Variants in ASAH2 observed in about 807,000 individuals in gnomAD.
ASAH2 encodes N-acylsphingosine amidohydrolase 2.
ASAH2 carries 58 observed loss-of-function variants against 82.9 expected under a neutral mutation model. The observed-to-expected ratio is 0.70, with a 90% CI of 0.57 to 0.87. The LOEUF is 0.87. ASAH2 is among the 40% of genes least tolerant of loss of function. The pLI is 0.00. For missense variants in ASAH2, 779 were observed against 834.0 expected (o/e 0.93, Z 0.81); for synonymous variants, 276 against 289.7 (o/e 0.95, Z 0.48).
intron 13 of ASAH2, 116 bp downstream of exon 13, chr10:50,205,866 G>T (rs1845279248): frequency 3.4e-6 from 3 of 890,850 alleles, no homozygotes; most frequent in Non-Finnish European, 5.6e-6. Context: ...ACTTGATATG[G>T]GAATATCTAA....
At chr10:50,220,319 T>C (rs1845707256) in intron 7 of ASAH2, among the ~76,000 whole-genome samples, 1 of 152,138 alleles carries the variant, frequency 6.6e-6, no homozygotes, top group African/African-American at 2.4e-5. Flanking sequence ...TAAAGACACA[T>C]GGACACGTAT....
intron 6 of ASAH2, 68 bp from the exon 7 acceptor site, chr10:50,233,329 G>GT: frequency 8.4e-7 from 1 of 1,195,328 alleles, no homozygotes; most frequent in South Asian, 1.2e-5. Flanking sequence ...AAGATGAACA[G>GT]TAGCAGCTGA....
chr10:50,212,546 T>A (rs1232383060), intron 10 of ASAH2, among the ~76,000 whole-genome samples: 1 of 152,158 alleles, frequency 6.6e-6, no homozygotes, highest in Non-Finnish European at 1.5e-5. Context: ...GGCTCAGCTT[T>A]CTCTTGTCAC....
At chr10:50,237,921 A>G (rs1295147899) in intron 4 of ASAH2, among the ~76,000 whole-genome samples, 1 of 152,318 alleles carries the variant, frequency 6.6e-6, no homozygotes, top group South Asian at 2.1e-4. Context: ...CCCCATAACT[A>G]TATGTACCAT....
chr10:50,240,526 C>A (rs1589356572), intron 4 of ASAH2: 1 of 702,272 alleles, frequency 1.4e-6, no homozygotes, highest in Non-Finnish European at 2.6e-6. Flanking sequence ...CTCCGCCACT[C>A]AGAAGATTTC....
rs1360064108 is a variant in ASAH2, at chr10:50,226,382, CTT to C, written c.893+6800_893+6801del. Among the ~76,000 whole-genome samples the C allele has an allele frequency of 4.6e-5, 7 of 152,184 alleles. No individual in the cohort carries two copies. The East Asian group carries it at 9.6e-4, about 21-fold the overall frequency. On this transcript the variant is annotated intron_variant, in intron 7 of 20. Coordinates refer to ENST00000682911, the MANE Select transcript of ASAH2 (RefSeq NM_019893.4). ...AAAGTCTGAAAGACTATGTAACAAACTTTTAATAGAAGCTGGCTCTGAGTGTC... is the reference window on the plus strand; with the variant it reads ...AAAGTCTGAAAGACTATGTAACAAACTTAATAGAAGCTGGCTCTGAGTGTC...
At chr10:50,194,571 T>G (rs1310670371) in intron 18 of ASAH2, among the ~76,000 whole-genome samples, 4 of 150,860 alleles carry the variant, frequency 2.7e-5, no homozygotes, top group Non-Finnish European at 4.4e-5. Context: ...GACAAGAGTG[T>G]CCAGTCTCAC....
At position 50,212,863 on chromosome 10, in the gene ASAH2, C is replaced by T; in HGVS notation, c.1227+109G>A. The T allele has an allele frequency of 2.7e-6, 3 of 1,126,618 alleles. No homozygotes were observed. In the East Asian group the frequency reaches 7.1e-5, roughly 26 times the overall value. The allele number at this position is 1,126,618 out of a possible 1,614,324, so 69.8% of individuals were successfully genotyped here. A position where few individuals can be genotyped will look rare whatever the true frequency, so the allele number is the denominator to read the frequency against. On this transcript the variant is annotated intron_variant, in intron 10 of 20. Transcript: ENST00000682911. ...CCTCTTCTAGACTCCCCAGCACAAC[C>T]TGAGCATTTGCTGTTTTCTTTAAGT... is the stretch of plus-strand genomic sequence containing the variant.
Position 50,235,982 on chromosome 10 carries a change from C to A in ASAH2, c.593G>T (p.Gly198Val), listed in dbSNP as rs1846149338. 6.2e-7 allele frequency: 1 copy of A among 1,613,154 alleles called. No individual in the cohort carries two copies. The highest frequency in any genetic ancestry group is 8.5e-7 in the Non-Finnish European group (1 of 1,179,414). ...GGTATACTGGAAATATCCTGCAGGA[C>A]CTGAATGAGTGTGAGTGCCACTCAG... ...VILSGTHTHS[G>V]PAGYFQYTVF... is the part of the protein sequence containing the mutation. The change falls in exon 5 of 21, where the codon GGT (glycine) becomes GTT (valine). Residue 198 changes from glycine to valine, a missense_variant. Physicochemically the swap from Gly to Val is moderately radical, Grantham distance 109. Around this residue, in one of 3 missense-constraint regions of ASAH2, gnomAD observed 759 missense variants for 755.2 expected, o/e 1.00. Coordinates refer to ENST00000682911, the MANE Select transcript of ASAH2 (RefSeq NM_019893.4).
Position 50,233,262 on chromosome 10 carries a change from C to G in ASAH2, c.816-1G>C. 6.2e-7 allele frequency: 1 copy of G among 1,600,824 alleles called. No individual in the cohort carries two copies. On this transcript the variant is annotated splice_acceptor_variant, in intron 6 of 20. Transcript: ENST00000682911. LOFTEE classifies it high-confidence loss of function. ...TTCCTTGTCTGTATTTGAAGAATAC[C>G]TAGTCAGTAAAACAGAAAAGCACAG...
At chr10:50,242,821 C>T (rs1290451986) in intron 4 of ASAH2, among the ~76,000 whole-genome samples, 1 of 152,172 alleles carries the variant, frequency 6.6e-6, no homozygotes, top group African/African-American at 2.4e-5. Context: ...CACATGTATT[C>T]TCAATTGTCT....
chr10:50,231,191 T>C (rs1846013857), intron 7 of ASAH2, among the ~76,000 whole-genome samples: 1 of 152,122 alleles, frequency 6.6e-6, no homozygotes, highest in Non-Finnish European at 1.5e-5. Flanking sequence ...CTAGCAGAGA[T>C]GTATGCTGTT....
intron 7 of ASAH2, among the ~76,000 whole-genome samples, chr10:50,228,918 G>A (rs1391915912): frequency 6.6e-6 from 1 of 152,076 alleles, no homozygotes; most frequent in Non-Finnish European, 1.5e-5. Context: ...GAAGAAAAGA[G>A]GAAGGCAAAG....
intron 8 of ASAH2, among the ~76,000 whole-genome samples, chr10:50,216,974 A>G (rs1845616811): frequency 6.6e-6 from 1 of 152,192 alleles, no homozygotes; most frequent in African/African-American, 2.4e-5. Flanking sequence ...TATTCCTGCC[A>G]AAACTCATGT....
chr10:50,220,654 A>G (rs1269277894), intron 7 of ASAH2, among the ~76,000 whole-genome samples: 2 of 152,102 alleles, frequency 1.3e-5, no homozygotes, highest in Non-Finnish European at 2.9e-5. Context: ...AAGATTAGGA[A>G]AAATAACTAA....
intron 20 of ASAH2, among the ~76,000 whole-genome samples, chr10:50,189,014 T>C (rs1428696373): frequency 6.9e-6 from 1 of 144,244 alleles, no homozygotes; most frequent in African/African-American, 2.7e-5. Context: ...CTCACTCAAG[T>C]CATTAAGAGT....
Position 50,202,773 on chromosome 10 carries a change from A to C in ASAH2, c.1761+56T>G, listed in dbSNP as rs936158873. ...TTTACAAAGCAAGTCTGCATTTGAC[A>C]CAATAGTCTTTACTGGGGTATAATT... On this transcript the variant is annotated intron_variant, in intron 16 of 20. Transcript: ENST00000682911. 2,786 of 1,186,696 alleles carry C rather than the reference A, an allele frequency of 2.3e-3. 36 individuals are homozygous for C. In the African/African-American group the frequency reaches 0.035, roughly 15 times the overall value. The allele number at this position is 1,186,696 out of a possible 1,614,324, so 73.5% of individuals were successfully genotyped here. A position where few individuals can be genotyped will look rare whatever the true frequency, so the allele number is the denominator to read the frequency against.
chr10:50,223,840 C>T (rs1319211383), intron 7 of ASAH2, among the ~76,000 whole-genome samples: 1 of 152,002 alleles, frequency 6.6e-6, no homozygotes, highest in Non-Finnish European at 1.5e-5. Flanking sequence ...AAGATGGGGG[C>T]ACAGATTGGA....
intron 4 of ASAH2, among the ~76,000 whole-genome samples, chr10:50,236,553 C>G (rs1846163622): frequency 6.6e-6 from 1 of 152,040 alleles, no homozygotes; most frequent in Admixed American, 6.6e-5. Context: ...ACACCTCTTT[C>G]AAATGGCCCC....
Sources: gnomAD v4.1 joint callset for allele counts (sites outside exome capture counted in the v4.1 genomes callset) on GRCh38, gnomAD v4.1.1 for gene constraint, gnomAD v4.1.1 regional missense constraint, MANE v1.5 for transcripts, NCBI Gene and HGNC (gene_info 2026-07-23, HGNC 2026-07-21) for gene names.